MDGA2: variants seen among roughly 807,000 people sequenced by gnomAD.
MDGA2 encodes MAM domain-containing glycosylphosphatidylinositol anchor protein 2.
A neutral mutation model predicts 117.8 loss-of-function variants in MDGA2; 40 were observed. The observed-to-expected ratio is 0.34, with a 90% CI of 0.26 to 0.44. MDGA2 has a LOEUF of 0.44. Ranked by LOEUF, MDGA2 falls within the 20% of genes least tolerant of loss-of-function variation. The pLI is 1.00. For missense variants in MDGA2, 1,123 were observed against 1,250.6 expected (o/e 0.90, Z 1.54); for synonymous variants, 452 against 439.0 (o/e 1.03, Z -0.37).
chr14:47,127,714 G>A (rs575850972), intron 5 of MDGA2, among the ~76,000 whole-genome samples: 1 of 152,144 alleles, frequency 6.6e-6, no homozygotes, highest in Admixed American at 6.6e-5. Flanking sequence ...GCAACATAAA[G>A]CTGAAAGGTT....
At chr14:47,480,082 A>AG (rs1299429672) in intron 1 of MDGA2, among the ~76,000 whole-genome samples, 1 of 118,390 alleles carries the variant, frequency 8.4e-6, no homozygotes, top group Non-Finnish European at 1.9e-5. Context: ...TTTACAAAAA[A>AG]ATCAATGTTT....
At chr14:47,604,992 C>T (rs932785960) in intron 1 of MDGA2, among the ~76,000 whole-genome samples, 2 of 150,606 alleles carry the variant, frequency 1.3e-5, no homozygotes, top group African/African-American at 5.0e-5. Context: ...TTTTTTTAAA[C>T]CACTAAACTT....
chr14:46,866,343 A>G (rs1881759443), intron 14 of MDGA2, among the ~76,000 whole-genome samples: 2 of 152,214 alleles, frequency 1.3e-5, no homozygotes, highest in Non-Finnish European at 2.9e-5. Flanking sequence ...AGCCATATGT[A>G]GAAAGCTGAA....
intron 9 of MDGA2, among the ~76,000 whole-genome samples, chr14:46,955,827 T>C (rs1204172086): frequency 6.9e-6 from 1 of 145,406 alleles, no homozygotes; most frequent in African/African-American, 2.7e-5. Context: ...ATTTAAAATG[T>C]TTTTGGTTGA....
At chr14:47,307,691 G>C (rs35072633) in intron 1 of MDGA2, among the ~76,000 whole-genome samples, 6 of 149,970 alleles carry the variant, frequency 4.0e-5, no homozygotes, top group South Asian at 2.1e-4. Flanking sequence ...CTGTGGGGGG[G>C]AAAAAAAAAG....
At chr14:47,039,465 G>T (rs913086303) in intron 7 of MDGA2, among the ~76,000 whole-genome samples, 1 of 152,132 alleles carries the variant, frequency 6.6e-6, no homozygotes, top group Non-Finnish European at 1.5e-5. Flanking sequence ...CTCAGTAGAA[G>T]TCATCATTTT....
chr14:47,007,956 G>C (rs1887768192), intron 8 of MDGA2, among the ~76,000 whole-genome samples: 1 of 151,752 alleles, frequency 6.6e-6, no homozygotes, highest in Non-Finnish European at 1.5e-5. Flanking sequence ...GTATCGTAAT[G>C]ATAAAAATTA....
At chr14:46,909,165 C>G (rs1032470708) in intron 10 of MDGA2, among the ~76,000 whole-genome samples, 1 of 152,162 alleles carries the variant, frequency 6.6e-6, no homozygotes, top group African/African-American at 2.4e-5. Flanking sequence ...GAACATAATA[C>G]ATTTAATTGC....
At chr14:47,556,249 A>T (rs1442772101) in intron 1 of MDGA2, among the ~76,000 whole-genome samples, 1 of 152,128 alleles carries the variant, frequency 6.6e-6, no homozygotes, top group Non-Finnish European at 1.5e-5. Flanking sequence ...CACAAACTCC[A>T]GACAGTGACA....
chr14:46,937,223 A>G (rs1292503195), intron 9 of MDGA2, among the ~76,000 whole-genome samples: 1 of 97,860 alleles, frequency 1.0e-5, no homozygotes, highest in Non-Finnish European at 2.0e-5. Context: ...CACCCCCCCC[A>G]ACACAAATAC....
chr14:47,520,541 T>C (rs188772869), intron 1 of MDGA2, among the ~76,000 whole-genome samples: 9 of 152,308 alleles, frequency 5.9e-5, no homozygotes, highest in Non-Finnish European at 1.0e-4. Flanking sequence ...TTTCAAGGCC[T>C]GAGAAATTAT....
intron 5 of MDGA2, among the ~76,000 whole-genome samples, chr14:47,124,870 C>T (rs1881821515): frequency 6.6e-6 from 1 of 152,088 alleles, no homozygotes; most frequent in Non-Finnish European, 1.5e-5. Flanking sequence ...CAGAAACCAA[C>T]CCTGATGGCA....
intron 1 of MDGA2, among the ~76,000 whole-genome samples, chr14:47,546,948 T>A (rs1895474967): frequency 6.6e-6 from 1 of 152,170 alleles, no homozygotes; most frequent in Non-Finnish European, 1.5e-5. Flanking sequence ...AAGCTGTCAG[T>A]AACTTATTTT....
chr14:47,456,491 C>T lies in MDGA2; in HGVS notation c.281-154941G>A, dbSNP rs541792867. On this transcript the variant is annotated intron_variant, in intron 1 of 16. Coordinates refer to ENST00000399232, the MANE Select transcript of MDGA2 (RefSeq NM_001113498.3). The stretch of plus-strand genomic sequence containing the variant: ...TTTTTTTTTTAGTAGAGACTAGAGA[C>T]GGGGTTTCTCCATGCTGGTCAGGCT... Among the ~76,000 whole-genome samples the T allele has an allele frequency of 5.3e-5, 8 of 150,232 alleles. No individual in the cohort carries two copies. The South Asian group carries it at 1.7e-3, about 32-fold the overall frequency.
At chr14:47,548,487 T>C (rs867926325) in intron 1 of MDGA2, among the ~76,000 whole-genome samples, 7 of 152,198 alleles carry the variant, frequency 4.6e-5, no homozygotes, top group Admixed American at 1.3e-4. Context: ...CTATATACTT[T>C]GTTACATGCA....
intron 3 of MDGA2, chr14:47,200,602 G>T (rs1885465756): frequency 6.1e-6 from 7 of 1,145,348 alleles, no homozygotes; most frequent in African/African-American, 1.6e-5. Flanking sequence ...GAGTCTTGAA[G>T]ACCTCTGTAT....
In MDGA2 at chr14:47,613,223, A is replaced by G. The variant is rs114839489; in HGVS notation, c.280+61294T>C. ...TGTGGCCACTCAGCCAGCTACTGGC[A>G]AGGGTCAACTCCAGCTCTGTGTGAC... is the stretch of plus-strand genomic sequence containing the variant. On this transcript the variant is annotated intron_variant, in intron 1 of 16. Coordinates refer to ENST00000399232, the MANE Select transcript of MDGA2 (RefSeq NM_001113498.3). Among the ~76,000 whole-genome samples the G allele has an allele frequency of 3.5e-3, 536 of 152,282 alleles. 6 individuals are homozygous for G. The highest frequency in any genetic ancestry group is 0.012 in the African/African-American group (511 of 41,556).
chr14:46,858,575 CT>C (rs1274613101), intron 14 of MDGA2, among the ~76,000 whole-genome samples: 1 of 151,716 alleles, frequency 6.6e-6, no homozygotes, highest in Non-Finnish European at 1.5e-5. Flanking sequence ...CTACAGGCGC[CT>C]GTTACCACAC....
intron 1 of MDGA2, among the ~76,000 whole-genome samples, chr14:47,505,686 C>T (rs1894496278): frequency 6.6e-6 from 1 of 152,136 alleles, no homozygotes; most frequent in African/African-American, 2.4e-5. Flanking sequence ...CAAATTTCAA[C>T]TTACACTGCC....
Sources: allele counts gnomAD v4.1 joint callset (sites outside exome capture counted in the v4.1 genomes callset), GRCh38; gene constraint gnomAD v4.1.1; transcripts MANE v1.5; gene names NCBI Gene and HGNC (gene_info 2026-07-23, HGNC 2026-07-21).